The following ERG variants were observed in gnomAD, a reference collection of about 807,000 sequenced individuals.
ERG encodes transcriptional regulator ERG.
ERG carries 9 observed loss-of-function variants against 55.3 expected under a neutral mutation model. The observed-to-expected ratio is 0.16, with a 90% CI of 0.10 to 0.28. The LOEUF is 0.28. Among genes scored for constraint, ERG ranks in the 10% least tolerant of loss-of-function variants. ERG has a pLI of 1.00. For synonymous variants in ERG, 223 were observed against 237.3 expected, an observed-to-expected ratio of 0.94 and a Z score of 0.55; for missense variants, 434 against 631.6, an observed-to-expected ratio of 0.69 and a Z score of 3.35.
intron 1 of ERG, among the ~76,000 whole-genome samples, chr21:38,493,671 C>T (rs928293475): frequency 4.6e-5 from 7 of 152,204 alleles, no homozygotes; most frequent in Non-Finnish European, 7.3e-5. Context: ...CCAGCAGCCT[C>T]GGCTCAGAAC....
chr21:38,530,146 G>A (rs986278420), intron 2 of ERG, among the ~76,000 whole-genome samples: 1 of 151,818 alleles, frequency 6.6e-6, no homozygotes, highest in South Asian at 2.1e-4. Flanking sequence ...TGCAACCTCC[G>A]CCTCCTGTAT....
chr21:38,613,849 G>A (rs951372333), intron 1 of ERG, among the ~76,000 whole-genome samples: 8 of 152,136 alleles, frequency 5.3e-5, no homozygotes, highest in African/African-American at 1.9e-4. Context: ...ACCACAGGCT[G>A]GGCCCCCCCT....
chr21:38,627,723 G>C (rs941490702), intron 1 of ERG, among the ~76,000 whole-genome samples: 1 of 152,096 alleles, frequency 6.6e-6, no homozygotes, highest in African/African-American at 2.4e-5. Context: ...AACGAGTTTT[G>C]TCCCATGTTT....
intron 3 of ERG, among the ~76,000 whole-genome samples, chr21:38,416,731 G>C (rs1395911656): frequency 1.3e-5 from 2 of 152,204 alleles, no homozygotes; most frequent in Non-Finnish European, 2.9e-5. Flanking sequence ...AAAATAATTG[G>C]TAAGATGTCA....
At chr21:38,558,838 G>C (rs1412368253) in intron 2 of ERG, among the ~76,000 whole-genome samples, 1 of 152,094 alleles carries the variant, frequency 6.6e-6, no homozygotes, top group Non-Finnish European at 1.5e-5. Context: ...AGTCATAAAG[G>C]CAATATTTGT....
intron 2 of ERG, among the ~76,000 whole-genome samples, chr21:38,566,909 G>A (rs1409587172): frequency 6.6e-6 from 1 of 152,140 alleles, no homozygotes; most frequent in Non-Finnish European, 1.5e-5. Flanking sequence ...AACTCCTCAG[G>A]GAAACTGCCC....
intron 2 of ERG, among the ~76,000 whole-genome samples, chr21:38,426,790 C>CTTTTTT (rs1569089332): frequency 7.3e-5 from 11 of 151,692 alleles, no homozygotes; most frequent in African/African-American, 2.7e-4. Flanking sequence ...ATTAGCCGGG[C>CTTTTTT]GTGGTGGTGC....
At chr21:38,451,736 A>G (rs1318447203) in intron 1 of ERG, among the ~76,000 whole-genome samples, 1 of 152,344 alleles carries the variant, frequency 6.6e-6, no homozygotes, top group Non-Finnish European at 1.5e-5. Context: ...CTCTCCCACC[A>G]TAAGCCTGAC....
chr21:38,558,801 C>G (rs1171277203), intron 2 of ERG, among the ~76,000 whole-genome samples: 2 of 152,106 alleles, frequency 1.3e-5, no homozygotes, highest in Non-Finnish European at 2.9e-5. Context: ...ACCAAAAACA[C>G]TTAAAAGCCA....
Position 38,429,137 on chromosome 21 carries a change from T to C in ERG, c.237-5576A>G, listed in dbSNP as rs140069043. 3.4e-3 allele frequency among the ~76,000 whole-genome samples: 516 copies of C among 152,206 alleles called. 3 individuals are homozygous for C. Among genetic ancestry groups the C allele is most frequent in the African/African-American group, 0.012 (482 of 41,528 alleles). ...TAGTTATAAGTGAGAACACACAATA[T>C]TTGGTTTTCCATTCCTGAGTTACTT... On this transcript the variant is annotated intron_variant, in intron 2 of 9. Coordinates refer to ENST00000288319, the MANE Select transcript of ERG (RefSeq NM_182918.4).
chr21:38,532,745 C>T (rs2059681692), intron 2 of ERG, among the ~76,000 whole-genome samples: 1 of 152,212 alleles, frequency 6.6e-6, no homozygotes, highest in African/African-American at 2.4e-5. Context: ...CCTTCCAACT[C>T]CACATACCTG....
chr21:38,414,804 T>C (rs1329903685), intron 3 of ERG, among the ~76,000 whole-genome samples: 2 of 132,152 alleles, frequency 1.5e-5, no homozygotes, highest in East Asian at 2.3e-4. Flanking sequence ...CAAACTGAAA[T>C]CACCTATTTT....
At chr21:38,377,154 C>G (rs1987264889), downstream of ERG, among the ~76,000 whole-genome samples, 1 of 152,210 alleles carries the variant, frequency 6.6e-6, no homozygotes, top group South Asian at 2.1e-4. Flanking sequence ...ATAAAACTAT[C>G]TCAAAGCGGT....
chr21:38,588,561 T>G (rs1034927807), upstream of ERG, among the ~76,000 whole-genome samples: 8 of 152,002 alleles, frequency 5.3e-5, no homozygotes, highest in African/African-American at 1.9e-4. Context: ...GGGCCCCAAG[T>G]TTATGCTGAC....
Position 38,383,622 on chromosome 21 carries a change from A to G in ERG, c.1221T>C (p.Ser407=). 1.2e-6 allele frequency: 2 copies of G among 1,613,610 alleles called. No individual in the cohort carries two copies. The highest frequency in any genetic ancestry group is 1.7e-6 in the Non-Finnish European group (2 of 1,179,896). The change falls in exon 10 of 10, where the codon TCT becomes TCC. Residue 407 remains serine (S), a synonymous_variant. Coordinates refer to ENST00000288319, the MANE Select transcript of ERG (RefSeq NM_182918.4). The surrounding 1 kb of genome is among the most constrained non-coding windows in gnomAD (Gnocchi z 5.7). ...QALQPHPPES[S]LYKYPSDLPY... is the part of the protein sequence containing the mutation. ...GGAGGTCTGAGGGGTACTTGTACAG[A>G]GATGACTCCGGGGGGTGGGGCTGGA...
chr21:38,590,169 G>A (rs974705816), intron 1 of ERG, among the ~76,000 whole-genome samples: 1 of 152,164 alleles, frequency 6.6e-6, no homozygotes, highest in African/African-American at 2.4e-5. Context: ...GAGGTGGCAT[G>A]GAACCTCCCC....
intron 2 of ERG, among the ~76,000 whole-genome samples, chr21:38,530,918 C>A (rs1165495201): frequency 6.6e-6 from 1 of 152,174 alleles, no homozygotes; most frequent in Non-Finnish European, 1.5e-5. Context: ...CTCAAAAGGA[C>A]GAATAAAGTT....
intron 1 of ERG, among the ~76,000 whole-genome samples, chr21:38,446,896 C>A (rs1405026906): frequency 1.3e-5 from 2 of 152,094 alleles, no homozygotes; most frequent in Admixed American, 6.6e-5. Flanking sequence ...CTTCTCCTTG[C>A]CCCCACAGCC....
chr21:38,516,379 GA>G (rs1452339775), intron 2 of ERG, among the ~76,000 whole-genome samples: 7 of 151,322 alleles, frequency 4.6e-5, no homozygotes, highest in Non-Finnish European at 7.4e-5. Context: ...TAGGTATAAG[GA>G]AAAAATATCT....
Sources: allele counts gnomAD v4.1 joint callset (sites outside exome capture counted in the v4.1 genomes callset), GRCh38; gene constraint gnomAD v4.1.1; non-coding constraint Gnocchi (gnomAD v3.1); transcripts MANE v1.5; gene names NCBI Gene and HGNC (gene_info 2026-07-23, HGNC 2026-07-21).